KDM5B: variants seen among roughly 807,000 people sequenced by gnomAD.
The protein encoded by KDM5B is lysine-specific demethylase 5B.
KDM5B carries 144 observed loss-of-function variants against 193.4 expected under a neutral mutation model. That is an observed-to-expected ratio of 0.74 (90% CI 0.65 to 0.86). The LOEUF (loss-of-function observed/expected upper bound fraction) is 0.86. Ranked by LOEUF, KDM5B falls within the 40% of genes least tolerant of loss-of-function variation. The pLI, the probability that KDM5B is intolerant of heterozygous loss-of-function variation, is 0.00. For synonymous variants in KDM5B, 668 were observed against 682.6 expected (o/e 0.98, Z 0.33); for missense variants, 1,833 against 1,886.9 (o/e 0.97, Z 0.53).
chr1:202,799,685 AG>A (rs1383537494), intron 1 of KDM5B, among the ~76,000 whole-genome samples: 1 of 152,198 alleles, frequency 6.6e-6, no homozygotes, highest in Non-Finnish European at 1.5e-5. Flanking sequence ...TTTTTAAAAA[AG>A]AAAAAAACGT....
Position 202,727,670 on chromosome 1 carries a change from G to C in KDM5B, c.*1366C>G, listed in dbSNP as rs1305619273. 6.6e-6 allele frequency: 1 copy of C among 152,548 alleles called. No individual in the cohort carries two copies. The highest frequency in any genetic ancestry group is 6.5e-5 in the Admixed American group (1 of 15,270). The allele number at this position is 152,548 out of a possible 1,614,324, so 9.4% of individuals were successfully genotyped here. The stretch of plus-strand genomic sequence containing the variant: ...AAAGAAAAGCAAGGAAAATAGCTAT[G>C]GGCTATCCACAGCCAGTAATGATAG... On this transcript the variant is annotated 3_prime_UTR_variant, in exon 27 of 27. Transcript: ENST00000367265.
intron 22 of KDM5B, 36 bp downstream of exon 22, chr1:202,735,393 A>G (rs1558480934): frequency 6.3e-6 from 10 of 1,583,196 alleles, no homozygotes; most frequent in East Asian, 4.5e-5. Context: ...ATTCTTCCCA[A>G]TAACATAGAA....
At chr1:202,762,630 A>G (rs1488807115) in intron 7 of KDM5B, 69 bp downstream of exon 7, 1 of 875,794 alleles carries the variant, frequency 1.1e-6, no homozygotes, top group Non-Finnish European at 1.9e-6. Flanking sequence ...TTGGGGGTAA[A>G]GGGGATTAAA....
intron 16 of KDM5B, 151 bp from the exon 17 acceptor site, chr1:202,742,956 A>G: frequency 1.4e-6 from 1 of 707,940 alleles, no homozygotes; most frequent in Non-Finnish European, 2.3e-6. Context: ...AAATTTGTTG[A>G]TTTGATTTTT....
rs1654984139 is a variant in KDM5B, at chr1:202,733,736, A to G, written c.3574T>C (p.Cys1192Arg). The change falls in exon 23 of 27, where the codon TGT becomes CGT. Residue 1192 changes from cysteine to arginine, a missense_variant. Physicochemically the swap from Cys to Arg is radical, Grantham distance 180. Coordinates refer to ENST00000367265, the MANE Select transcript of KDM5B (RefSeq NM_006618.5). ...TGGAAAGCATCCCTGCAGAGTTCACATTGAATCATAGGGGCAGCTGGGGCC... is the reference window on the plus strand; with the variant it reads ...TGGAAAGCATCCCTGCAGAGTTCACGTTGAATCATAGGGGCAGCTGGGGCC... Reference protein sequence around the residue: ...QKAPAAPMIQCELCRDAFHTS... With the variant: ...QKAPAAPMIQRELCRDAFHTS... 6.2e-7 allele frequency: 1 copy of G among 1,614,144 alleles called. No homozygotes were observed. Among genetic ancestry groups the G allele is most frequent in the African/African-American group, 1.3e-5 (1 of 75,046 alleles).
intron 1 of KDM5B, among the ~76,000 whole-genome samples, chr1:202,781,371 G>C (rs545996767): frequency 6.6e-6 from 1 of 152,156 alleles, no homozygotes; most frequent in Non-Finnish European, 1.5e-5. Context: ...ATGCCCGCCG[G>C]TGATGCATGA....
chr1:202,795,057 T>G (rs538691251), intron 1 of KDM5B, among the ~76,000 whole-genome samples: 1 of 150,592 alleles, frequency 6.6e-6, no homozygotes, highest in Non-Finnish European at 1.5e-5. Context: ...CTACTAAAAA[T>G]ACAAAAATTA....
chr1:202,743,853 G>C (rs1350773499), intron 16 of KDM5B, among the ~76,000 whole-genome samples: 1 of 152,168 alleles, frequency 6.6e-6, no homozygotes, highest in African/African-American at 2.4e-5. Context: ...CAAGAGGAAT[G>C]AAAGACTTAA....
intron 1 of KDM5B, among the ~76,000 whole-genome samples, chr1:202,795,138 C>T (rs751527886): frequency 1.3e-5 from 2 of 152,010 alleles, no homozygotes; most frequent in African/African-American, 4.8e-5. Context: ...CGCTTGAGCC[C>T]AGGAGGCAGA....
chr1:202,765,313 A>G (rs1262030290), intron 5 of KDM5B, among the ~76,000 whole-genome samples: 1 of 152,222 alleles, frequency 6.6e-6, no homozygotes, highest in Non-Finnish European at 1.5e-5. Flanking sequence ...CTCAGTTTCT[A>G]TTATTTCTTA....
At chr1:202,732,041 GGAAA>G in intron 23 of KDM5B, 102 bp from the exon 24 acceptor site, 1 of 548,210 alleles carries the variant, frequency 1.8e-6, no homozygotes, top group Non-Finnish European at 3.1e-6. Flanking sequence ...GGCAACCAGG[GGAAA>G]AAAAAAAAAA....
intron 1 of KDM5B, among the ~76,000 whole-genome samples, chr1:202,803,896 G>C (rs1658180188): frequency 7.0e-6 from 1 of 143,532 alleles, no homozygotes; most frequent in Non-Finnish European, 1.5e-5. Flanking sequence ...TTTTTCTCCT[G>C]GGCATTATAG....
At chr1:202,737,042 T>C (rs1439766119) in intron 20 of KDM5B, among the ~76,000 whole-genome samples, 2 of 152,216 alleles carry the variant, frequency 1.3e-5, no homozygotes, top group African/African-American at 4.8e-5. Flanking sequence ...ATTCATCTCA[T>C]TGGTTCCTAT....
intron 5 of KDM5B, chr1:202,766,506 TAA>T (rs747461789): frequency 6.5e-3 from 2,484 of 383,446 alleles, no homozygotes; most frequent in East Asian, 0.011. Context: ...ACTCTGTCTC[TAA>T]AAAAAAAAAA....
chr1:202,800,751 T>C (rs1368285351), intron 1 of KDM5B, among the ~76,000 whole-genome samples: 1 of 152,174 alleles, frequency 6.6e-6, no homozygotes. Flanking sequence ...TCAGATAAAG[T>C]CTGGCCAATA....
chr1:202,804,507 G>A (rs1658205032), intron 1 of KDM5B, among the ~76,000 whole-genome samples: 2 of 152,316 alleles, frequency 1.3e-5, no homozygotes, highest in Middle Eastern at 3.4e-3. Context: ...ACAAAGAAGT[G>A]TATAAGTTCC....
intron 21 of KDM5B, among the ~76,000 whole-genome samples, chr1:202,735,912 A>T (rs1655074958): frequency 6.6e-6 from 1 of 152,280 alleles, no homozygotes; most frequent in South Asian, 2.1e-4. Context: ...GAGATCATTT[A>T]TCAGGCTTAC....
At chr1:202,777,345 A>C (rs1656997798) in intron 1 of KDM5B, among the ~76,000 whole-genome samples, 1 of 89,208 alleles carries the variant, frequency 1.1e-5, no homozygotes, top group Non-Finnish European at 2.6e-5. Flanking sequence ...AATGTCATTG[A>C]GCCTGTAAAA....
rs368675776 is a variant in KDM5B at position 202,758,487 on chromosome 1, T to C, written c.1101A>G (p.Ala367=). The change falls in exon 9 of 27, where the codon GCA becomes GCG. Residue 367 remains alanine (A), a synonymous_variant. Coordinates refer to ENST00000367265, the MANE Select transcript of KDM5B (RefSeq NM_006618.5). ...CCCTGGCTGCTTGTTCAAAGCCAAATGCTTCTTGTGGCTTACTACATTCCT... is the reference window on the plus strand; with the variant it reads ...CCCTGGCTGCTTGTTCAAAGCCAAACGCTTCTTGTGGCTTACTACATTCCT... ...LAQECSKPQE[A]FGFEQAARDY... 6.2e-7 allele frequency: 1 copy of C among 1,611,058 alleles called. No individual in the cohort carries two copies. Among genetic ancestry groups the C allele is most frequent in the Non-Finnish European group, 8.5e-7 (1 of 1,177,740 alleles).
Sources: allele counts gnomAD v4.1 joint callset (sites outside exome capture counted in the v4.1 genomes callset), GRCh38; gene constraint gnomAD v4.1.1; transcripts MANE v1.5; gene names NCBI Gene and HGNC (gene_info 2026-07-23, HGNC 2026-07-21).